The following ZNF487 variants were observed in gnomAD, a reference collection of about 807,000 sequenced individuals.
The protein encoded by ZNF487 is zinc finger protein 487, also known as KRAB domain only 1.
A neutral mutation model predicts 3.0 loss-of-function variants in ZNF487; 4 were observed. The observed-to-expected ratio is 1.35, with a 90% CI of 0.66 to 3.08. The LOEUF (loss-of-function observed/expected upper bound fraction) is 3.08. Ranked by LOEUF, ZNF487 falls within the 30% of genes most tolerant of loss-of-function variation. The pLI is 0.01. For synonymous variants in ZNF487, 55 were observed against 34.6 expected, an observed-to-expected ratio of 1.59 and a Z score of -2.06; for missense variants, 146 against 98.7, an observed-to-expected ratio of 1.48 and a Z score of -2.03.
chr10:43,466,423 G>A lies in ZNF487; in HGVS notation c.-93-9298G>A, dbSNP rs1323381084. 1.4e-3 allele frequency among the ~76,000 whole-genome samples: 193 copies of A among 139,970 alleles called. 1 individual carries two copies. The highest frequency in any genetic ancestry group is 1.8e-4 in the Non-Finnish European group (12 of 65,040). 91.8% of individuals were successfully genotyped at this position (139,970 alleles called of 152,430 possible). ...CTTTCTTTCTTTTTTTTTTTTTTGA[G>A]ATGGAGTCTTGCTTTGTCACCCAGG... On this transcript the variant is annotated intron_variant, in intron 1 of 3. Transcript: ENST00000437590.
intron 1 of ZNF487, among the ~76,000 whole-genome samples, chr10:43,465,151 C>T (rs1361186058): frequency 8.2e-6 from 1 of 122,392 alleles, no homozygotes; most frequent in Admixed American, 9.9e-5. Flanking sequence ...GCTGACCCGC[C>T]CACCTCCCTC....
At chr10:43,470,487 G>A (rs1329389225) in intron 1 of ZNF487, among the ~76,000 whole-genome samples, 1 of 152,112 alleles carries the variant, frequency 6.6e-6, no homozygotes, top group Non-Finnish European at 1.5e-5. Context: ...AGGTTCAAGC[G>A]ATTCTCCTGC....
chr10:43,472,714 G>A (rs902862944), intron 1 of ZNF487, among the ~76,000 whole-genome samples: 2 of 152,140 alleles, frequency 1.3e-5, no homozygotes, highest in African/African-American at 4.8e-5. Flanking sequence ...GCTCCAGCTC[G>A]ACTTGCCTTC....
At chr10:43,517,200 T>C in the ZNF487 span, among the ~76,000 whole-genome samples, 1 of 152,290 alleles carries the variant, frequency 6.6e-6, no homozygotes, top group African/African-American at 2.4e-5. Context: ...GTTAAATTCC[T>C]GAAAGTTATT....
the ZNF487 span, among the ~76,000 whole-genome samples, chr10:43,490,962 C>T: frequency 6.9e-6 from 1 of 145,672 alleles, no homozygotes; most frequent in Non-Finnish European, 1.5e-5. Context: ...GCATGAGCCA[C>T]CATGCCTGGC....
intron 1 of ZNF487, among the ~76,000 whole-genome samples, chr10:43,446,023 A>C (rs922657388): frequency 1.3e-5 from 2 of 152,242 alleles, no homozygotes; most frequent in Non-Finnish European, 2.9e-5. Context: ...CAGCATCCCA[A>C]GGCAGAAGAA....
At chr10:43,460,661 C>T (rs1388335405) in intron 1 of ZNF487, among the ~76,000 whole-genome samples, 1 of 151,436 alleles carries the variant, frequency 6.6e-6, no homozygotes, top group African/African-American at 2.4e-5. Flanking sequence ...AGGTATGAGC[C>T]ACCATGCCTG....
the ZNF487 span, among the ~76,000 whole-genome samples, chr10:43,493,722 ATATATATAT>A: frequency 3.2e-5 from 2 of 62,662 alleles, no homozygotes; most frequent in Admixed American, 1.4e-4. Flanking sequence ...ATATATATAT[ATATATATAT>A]ATATATATGG....
At chr10:43,499,738 G>A in the ZNF487 span, among the ~76,000 whole-genome samples, 20 of 151,298 alleles carry the variant, frequency 1.3e-4, 3 homozygotes, top group South Asian at 2.5e-3. Context: ...GTGATGGAGT[G>A]AGACCCTGTC....
intron 1 of ZNF487, among the ~76,000 whole-genome samples, chr10:43,466,505 T>C (rs1840712142): frequency 1.3e-5 from 2 of 151,022 alleles, no homozygotes; most frequent in African/African-American, 4.9e-5. Context: ...TGGGTTCAAT[T>C]GATTCTCCTG....
At chr10:43,496,318 C>T in the ZNF487 span, among the ~76,000 whole-genome samples, 6 of 152,168 alleles carry the variant, frequency 3.9e-5, no homozygotes, top group Admixed American at 2.0e-4. Flanking sequence ...TTTTTCCCCT[C>T]TCCTAGTGAA....
chr10:43,465,149 G>A (rs377582690), intron 1 of ZNF487, among the ~76,000 whole-genome samples: 1 of 92,036 alleles, frequency 1.1e-5, no homozygotes, highest in Non-Finnish European at 2.1e-5. Context: ...GGGCTGACCC[G>A]CCCACCTCCC....
chr10:43,439,409 T>C (rs538864139), intron 1 of ZNF487, among the ~76,000 whole-genome samples: 1 of 150,900 alleles, frequency 6.6e-6, no homozygotes, highest in South Asian at 2.1e-4. Context: ...CTTCAAAAAA[T>C]AAAAATAAGA....
chr10:43,510,437 G>T, the ZNF487 span, among the ~76,000 whole-genome samples: 1 of 152,138 alleles, frequency 6.6e-6, no homozygotes, highest in Admixed American at 6.5e-5. Context: ...ACACCCTAAT[G>T]GATCTCCTGT....
intron 1 of ZNF487, among the ~76,000 whole-genome samples, chr10:43,455,011 C>CT (rs754096470): frequency 0.13 from 16,454 of 128,436 alleles, 1,200 homozygotes; most frequent in East Asian, 0.18. Context: ...TTAGTTTGCA[C>CT]TTTTTTTTTT....
intron 1 of ZNF487, among the ~76,000 whole-genome samples, chr10:43,455,067 G>A (rs1023873409): frequency 6.7e-6 from 1 of 148,176 alleles, no homozygotes; most frequent in Non-Finnish European, 1.5e-5. Flanking sequence ...GGAGTGCAGT[G>A]GGTCCATCTC....
intron 1 of ZNF487, among the ~76,000 whole-genome samples, chr10:43,467,583 G>T (rs941980375): frequency 1.3e-5 from 2 of 152,028 alleles, no homozygotes; most frequent in Non-Finnish European, 2.9e-5. Context: ...TTGGGAGGCC[G>T]AGGCTGGTGG....
At chr10:43,498,444 A>G in the ZNF487 span, among the ~76,000 whole-genome samples, 1 of 150,136 alleles carries the variant, frequency 6.7e-6, no homozygotes, top group Non-Finnish European at 1.5e-5. Flanking sequence ...CATGCCGGCT[A>G]ATTTTTGTAT....
intron 3 of ZNF487, among the ~76,000 whole-genome samples, chr10:43,477,553 T>G (rs1048544221): frequency 6.6e-6 from 1 of 151,764 alleles, no homozygotes; most frequent in Non-Finnish European, 1.5e-5. Flanking sequence ...AATGGTAACA[T>G]GTAATGAGTA....
Sources: allele counts gnomAD v4.1 joint callset (sites outside exome capture counted in the v4.1 genomes callset), GRCh38; gene constraint gnomAD v4.1.1; transcripts MANE v1.5; gene names NCBI Gene and HGNC (gene_info 2026-07-23, HGNC 2026-07-21).